The following EMSY variants were observed in gnomAD, a reference collection of about 807,000 sequenced individuals.
EMSY encodes EMSY transcriptional repressor, BRCA2 interacting, also known as BRCA2-interacting transcriptional repressor EMSY.
EMSY carries 26 observed loss-of-function variants against 134.6 expected under a neutral mutation model. The ratio of observed to expected loss-of-function variants is 0.19; its 90% CI spans 0.14 to 0.27. EMSY has a LOEUF of 0.27. Among genes scored for constraint, EMSY ranks in the 10% least tolerant of loss-of-function variants. EMSY has a pLI of 1.00. For synonymous variants in EMSY, 579 were observed against 577.8 expected (o/e 1.00, Z -0.03); for missense variants, 1,305 against 1,611.4 (o/e 0.81, Z 3.26).
chr11:76,494,188 C>T (rs1377604876), intron 8 of EMSY, among the ~76,000 whole-genome samples: 1 of 152,224 alleles, frequency 6.6e-6, no homozygotes, highest in Non-Finnish European at 1.5e-5. Context: ...GGGATCCGGG[C>T]CGGTAGCACG....
At chr11:76,516,405 A>G (rs1043852651) in intron 11 of EMSY, 93 bp downstream of exon 12, 11 of 965,718 alleles carry the variant, frequency 1.1e-5, no homozygotes, top group East Asian at 5.6e-5. Context: ...TTTGATCTCA[A>G]TTTTTTGCTT....
exon 10 of EMSY, chr11:76,513,432 C>G (rs1950343959): frequency 1.2e-6 from 2 of 1,613,546 alleles, no homozygotes; most frequent in Non-Finnish European, 1.7e-6. Flanking sequence ...AAATCTTACC[C>G]AAACCAGTGA....
chr11:76,542,157 A>G (rs1951462023), intron 17 of EMSY, 59 bp from the exon 19 acceptor site: 6 of 1,585,030 alleles, frequency 3.8e-6, no homozygotes, highest in South Asian at 1.1e-5. Flanking sequence ...TAAAATGACT[A>G]CTGGTTACAG....
exon 19 of EMSY, chr11:76,544,726 G>A (rs2136770864): frequency 6.2e-7 from 1 of 1,614,138 alleles, no homozygotes. Flanking sequence ...CTAAACTGCA[G>A]CAGGCTCCGA....
At chr11:76,525,026 C>T (rs1017627128) in intron 12 of EMSY, among the ~76,000 whole-genome samples, 20 of 152,160 alleles carry the variant, frequency 1.3e-4, no homozygotes, top group African/African-American at 4.6e-4. Context: ...CTGCCACCCC[C>T]GCCAAAGACC....
chr11:76,535,393 A>T (rs904060187), intron 14 of EMSY, among the ~76,000 whole-genome samples: 11 of 152,170 alleles, frequency 7.2e-5, no homozygotes, highest in African/African-American at 2.2e-4. Context: ...CAGCCATCCA[A>T]TAAGTGTTGA....
intron 9 of EMSY, among the ~76,000 whole-genome samples, chr11:76,512,261 C>G (rs532281529): frequency 1.3e-5 from 2 of 151,670 alleles, no homozygotes; most frequent in Admixed American, 6.6e-5. Context: ...TCTCATTTAC[C>G]CCGAGAATAC....
In EMSY at chr11:76,463,185, C is replaced by T. The variant is rs377266590; in HGVS notation, c.572-636C>T. Among the ~76,000 whole-genome samples the T allele has an allele frequency of 3.9e-5, 6 of 152,074 alleles. No individual in the cohort carries two copies. In the South Asian group the frequency reaches 6.2e-4, roughly 16 times the overall value. On this transcript the variant is annotated intron_variant, in intron 6 of 20. Coordinates refer to ENST00000334736, the Ensembl canonical transcript of EMSY. ...TATAAAAATTAGCTGACTGTGGTGG[C>T]GGGCATATGTAATCCCAGCTACTTG...
At chr11:76,482,079 G>T (rs1176454680) in intron 8 of EMSY, among the ~76,000 whole-genome samples, 2 of 152,174 alleles carry the variant, frequency 1.3e-5, no homozygotes, top group East Asian at 3.9e-4. Flanking sequence ...CTGTTCTGCA[G>T]CCTCCACTGG....
At chr11:76,519,065 CTT>C (rs149817617) in intron 11 of EMSY, among the ~76,000 whole-genome samples, 21 of 136,344 alleles carry the variant, frequency 1.5e-4, no homozygotes, top group Non-Finnish European at 1.8e-4. Context: ...TGATTCATAT[CTT>C]TTTTTTTTTT....
intron 15 of EMSY, 142 bp from the exon 17 acceptor site, chr11:76,537,653 C>A: frequency 1.4e-6 from 1 of 691,208 alleles, no homozygotes; most frequent in Non-Finnish European, 2.3e-6. Context: ...TAGCAATCTG[C>A]TTTTTTCTTT....
chr11:76,446,129 C>T (rs951375635), intron 1 of EMSY, among the ~76,000 whole-genome samples: 5 of 151,964 alleles, frequency 3.3e-5, no homozygotes, highest in African/African-American at 1.2e-4. Flanking sequence ...ATACTTAGAG[C>T]GGCTCTACTC....
intron 7 of EMSY, among the ~76,000 whole-genome samples, chr11:76,467,932 T>C (rs1156549028): frequency 6.6e-6 from 1 of 151,126 alleles, no homozygotes; most frequent in Non-Finnish European, 1.5e-5. Flanking sequence ...TGAGCCAAGA[T>C]TGTGCCATTG....
intron 6 of EMSY, among the ~76,000 whole-genome samples, chr11:76,462,053 A>T (rs1173337861): frequency 6.6e-6 from 1 of 151,892 alleles, no homozygotes; most frequent in African/African-American, 2.4e-5. Context: ...CCTTGCAAAC[A>T]TGGTGAAACC....
chr11:76,468,972 T>C (rs936240631), intron 7 of EMSY, among the ~76,000 whole-genome samples: 1 of 151,764 alleles, frequency 6.6e-6, no homozygotes, highest in African/African-American at 2.4e-5. Flanking sequence ...CTTCCTCCTG[T>C]TGTAATGAGT....
exon 9 of EMSY, chr11:76,496,253 C>T (rs2135804144): frequency 1.2e-6 from 2 of 1,614,032 alleles, no homozygotes; most frequent in Non-Finnish European, 1.7e-6. Context: ...ATCAACCAGA[C>T]TTCCTTCCCC....
chr11:76,550,892 T>TGTC (rs773597501), exon 21 of EMSY: 5 of 152,544 alleles, frequency 3.3e-5, no homozygotes, highest in African/African-American at 4.8e-5. Context: ...CGCTTTCCAC[T>TGTC]GTCGTCGTCT....
chr11:76,516,223 T>G, exon 11 of EMSY: 3 of 1,613,790 alleles, frequency 1.9e-6, no homozygotes, highest in Non-Finnish European at 2.5e-6. Context: ...GCAACCTATG[T>G]GAAAACTACG....
At chr11:76,465,566 A>G (rs1260703908) in intron 7 of EMSY, among the ~76,000 whole-genome samples, 2 of 149,802 alleles carry the variant, frequency 1.3e-5, no homozygotes, top group African/African-American at 2.4e-5. Context: ...CTCATACTTT[A>G]AATTTCTAGT....
Sources: allele counts gnomAD v4.1 joint callset (sites outside exome capture counted in the v4.1 genomes callset), GRCh38; gene constraint gnomAD v4.1.1; transcripts MANE v1.5; gene names NCBI Gene and HGNC (gene_info 2026-07-23, HGNC 2026-07-21).